The following GRIP1 variants were observed in gnomAD, a reference collection of about 807,000 sequenced individuals.
The protein encoded by GRIP1 is glutamate receptor-interacting protein 1.
GRIP1 carries 45 observed loss-of-function variants against 129.9 expected under a neutral mutation model. That is an observed-to-expected ratio of 0.35 (90% CI 0.27 to 0.44). GRIP1 has a LOEUF of 0.44. GRIP1 is among the 20% of genes least tolerant of loss of function. The pLI, the probability that GRIP1 is intolerant of heterozygous loss-of-function variation, is 1.00. For synonymous variants in GRIP1, 530 were observed against 520.8 expected, an observed-to-expected ratio of 1.02 and a Z score of -0.24; for missense variants, 1,196 against 1,396.8, an observed-to-expected ratio of 0.86 and a Z score of 2.29.
At position 66,465,424 on chromosome 12, in the gene GRIP1, TGTCA is replaced by T; in HGVS notation, c.725-6_725-3del. On this transcript the variant is annotated splice_region_variant and splice_polypyrimidine_tract_variant and intron_variant, in intron 7 of 24. Coordinates refer to ENST00000359742, the MANE Select transcript of GRIP1 (RefSeq NM_001366722.1). ...GCCCGGATGCTGTTGCCACAGAGTCTGTCAAAGAACAAATTTTAGAAAACAAAAC... is the reference window on the plus strand; with the variant it reads ...GCCCGGATGCTGTTGCCACAGAGTCTAAGAACAAATTTTAGAAAACAAAAC... The T allele has an allele frequency of 6.2e-7, 1 of 1,612,996 alleles. No homozygotes were observed. The highest frequency in any genetic ancestry group is 8.5e-7 in the Non-Finnish European group (1 of 1,179,014).
intron 2 of GRIP1, among the ~76,000 whole-genome samples, chr12:66,596,083 T>C (rs994323421): frequency 1.3e-5 from 2 of 152,250 alleles, no homozygotes; most frequent in African/African-American, 4.8e-5. Context: ...TACATCATTT[T>C]ACATAAACGT....
intron 1 of GRIP1, among the ~76,000 whole-genome samples, chr12:67,013,729 T>C (rs1216722588): frequency 6.6e-6 from 1 of 152,198 alleles, no homozygotes; most frequent in Non-Finnish European, 1.5e-5. Context: ...CCAATATCCA[T>C]TCTATCCAGC....
chr12:66,840,347 G>A (rs747355565), intron 1 of GRIP1, among the ~76,000 whole-genome samples: 21 of 152,154 alleles, frequency 1.4e-4, no homozygotes, highest in Admixed American at 2.6e-4. Context: ...GTTTGGGGTG[G>A]TGGCTTTTAA....
intron 2 of GRIP1, chr12:66,568,976 C>T (rs1701147258): frequency 5.9e-6 from 3 of 509,180 alleles, no homozygotes; most frequent in Admixed American, 2.0e-5. Flanking sequence ...ACTGCATCTA[C>T]AAGATTAATA....
chr12:66,738,765 A>T (rs1592793961), intron 1 of GRIP1, among the ~76,000 whole-genome samples: 1 of 152,192 alleles, frequency 6.6e-6, no homozygotes, highest in East Asian at 1.9e-4. Flanking sequence ...ATGGGTGGGC[A>T]TAAGAGAGTT....
chr12:66,394,161 A>G, intron 17 of GRIP1, 47 bp downstream of exon 17: 2 of 1,564,282 alleles, frequency 1.3e-6, no homozygotes, highest in Non-Finnish European at 1.8e-6. Context: ...TGAGGAAGGA[A>G]GCCCGTCTCA....
chr12:66,818,728 C>A (rs1161509622), intron 1 of GRIP1, among the ~76,000 whole-genome samples: 1 of 152,104 alleles, frequency 6.6e-6, no homozygotes, highest in Non-Finnish European at 1.5e-5. Flanking sequence ...TGTGTGGTGG[C>A]AAAGAATATA....
chr12:66,736,375 TTTTTTTTTTTTTTTTTTA>T, intron 1 of GRIP1, among the ~76,000 whole-genome samples: 1 of 87,388 alleles, frequency 1.1e-5, no homozygotes, highest in African/African-American at 3.9e-5. Context: ...TTTTTTTTTT[TTTTTTTTTTTTTTTTTTA>T]GGATACAGGG....
intron 5 of GRIP1, among the ~76,000 whole-genome samples, chr12:66,520,852 A>G (rs2060979980): frequency 1.3e-5 from 2 of 152,234 alleles, no homozygotes; most frequent in Non-Finnish European, 2.9e-5. Context: ...ATTTTGGTAC[A>G]GTGTTTCAAT....
At chr12:66,868,538 G>C (rs1460684982) in intron 1 of GRIP1, among the ~76,000 whole-genome samples, 1 of 151,978 alleles carries the variant, frequency 6.6e-6, no homozygotes, top group Non-Finnish European at 1.5e-5. Context: ...CAAATCCAGA[G>C]ATTTTTTACT....
chr12:66,949,002 G>A (rs1236822148), intron 1 of GRIP1, among the ~76,000 whole-genome samples: 3 of 152,126 alleles, frequency 2.0e-5, no homozygotes, highest in South Asian at 2.1e-4. Flanking sequence ...AAAGCATATA[G>A]TGGAGCTGAC....
chr12:66,665,092 G>A (rs1293713051), intron 1 of GRIP1, among the ~76,000 whole-genome samples: 1 of 152,068 alleles, frequency 6.6e-6, no homozygotes, highest in African/African-American at 2.4e-5. Flanking sequence ...CTGCTCACCA[G>A]TGTAGTCTCG....
intron 1 of GRIP1, among the ~76,000 whole-genome samples, chr12:66,907,073 T>G (rs1272426148): frequency 6.6e-6 from 1 of 152,226 alleles, no homozygotes; most frequent in Non-Finnish European, 1.5e-5. Context: ...CACATTGCAC[T>G]TTGTCATCAT....
chr12:66,684,385 G>A (rs952023209), intron 1 of GRIP1, among the ~76,000 whole-genome samples: 5 of 152,094 alleles, frequency 3.3e-5, no homozygotes, highest in African/African-American at 1.2e-4. Context: ...CTGTTCTCAT[G>A]CCTCTTCTTT....
At chr12:66,615,692 G>T (rs1288361922) in intron 1 of GRIP1, among the ~76,000 whole-genome samples, 3 of 152,162 alleles carry the variant, frequency 2.0e-5, no homozygotes, top group African/African-American at 7.2e-5. Context: ...ACCCACACTG[G>T]AGTATGCAGT....
Position 67,052,677 on chromosome 12 carries a change from G to A in GRIP1, c.58+16373C>T, listed in dbSNP as rs984672288. ...CAGGATGCTGAGGCAGGAGAATGGCGTAAACCCGTGAGGCAGAGCTTGCAG... is the reference window on the plus strand; with the variant it reads ...CAGGATGCTGAGGCAGGAGAATGGCATAAACCCGTGAGGCAGAGCTTGCAG... On this transcript the variant is annotated intron_variant, in intron 1 of 1. Coordinates refer to the GRIP1 transcript ENST00000643019. Among the ~76,000 whole-genome samples, 6 of 149,452 alleles carry A rather than the reference G, an allele frequency of 4.0e-5. No individual in the cohort carries two copies. In the South Asian group the frequency reaches 6.3e-4, roughly 16 times the overall value.
chr12:66,584,505 G>A lies in GRIP1; in HGVS notation c.136+12342C>T, dbSNP rs146856188. Among the ~76,000 whole-genome samples the A allele has an allele frequency of 1.2e-4, 18 of 152,238 alleles. No individual in the cohort carries two copies. The East Asian group carries it at 1.7e-3, about 15-fold the overall frequency. On this transcript the variant is annotated intron_variant, in intron 2 of 24. Transcript: ENST00000359742. ...GGAGAATCACTTGAACCCGGGAGGC[G>A]GAGGTTGCAATGAGCTGAGGTCACG...
At chr12:66,571,785 T>C (rs1433081423) in intron 2 of GRIP1, among the ~76,000 whole-genome samples, 1 of 152,230 alleles carries the variant, frequency 6.6e-6, no homozygotes, top group Non-Finnish European at 1.5e-5. Context: ...TTCATGGTTA[T>C]TGTATTTCTA....
At chr12:66,640,610 T>C (rs2031833218) in intron 1 of GRIP1, among the ~76,000 whole-genome samples, 1 of 152,200 alleles carries the variant, frequency 6.6e-6, no homozygotes, top group Non-Finnish European at 1.5e-5. Flanking sequence ...AAATCAACAG[T>C]TATGATTTTT....
Sources: allele counts gnomAD v4.1 joint callset (sites outside exome capture counted in the v4.1 genomes callset), GRCh38; gene constraint gnomAD v4.1.1; transcripts MANE v1.5; gene names NCBI Gene and HGNC (gene_info 2026-07-23, HGNC 2026-07-21).